TET2: variants seen among roughly 807,000 people sequenced by gnomAD.
The protein encoded by TET2 is tet methylcytosine dioxygenase 2.
Under a neutral mutation model 142.9 loss-of-function variants are expected in TET2, and 299 were observed. The observed-to-expected ratio is 2.09, with a 90% CI of 1.90 to 2.30. The LOEUF (loss-of-function observed/expected upper bound fraction) is 2.30, where lower values mean the gene tolerates loss of function less well. Ranked by LOEUF, TET2 falls within the 30% of genes most tolerant of loss-of-function variation. TET2 has a pLI of 0.00. For synonymous variants in TET2, 819 were observed against 849.0 expected, an observed-to-expected ratio of 0.96 and a Z score of 0.61; for missense variants, 2,418 against 2,378.0, an observed-to-expected ratio of 1.02 and a Z score of -0.35.
intron 1 of TET2, among the ~76,000 whole-genome samples, chr4:105,188,724 TTACAC>T (rs1049727931): frequency 2.6e-5 from 4 of 152,114 alleles, no homozygotes; most frequent in African/African-American, 9.7e-5. Flanking sequence ...CTTAAAAACA[TTACAC>T]TAAGTGAAAG....
chr4:105,197,945 A>G (rs1190771263), intron 2 of TET2, among the ~76,000 whole-genome samples: 1 of 152,192 alleles, frequency 6.6e-6, no homozygotes, highest in African/African-American at 2.4e-5. Flanking sequence ...AGACATTTGA[A>G]AAATTAGAAT....
intron 2 of TET2, among the ~76,000 whole-genome samples, chr4:105,225,096 G>A (rs989767737): frequency 3.3e-5 from 5 of 151,532 alleles, no homozygotes; most frequent in African/African-American, 1.2e-4. Context: ...TTAGCATTAT[G>A]TTTTGTTCAT....
chr4:105,254,823 G>A (rs1410096955), intron 6 of TET2, among the ~76,000 whole-genome samples: 1 of 152,170 alleles, frequency 6.6e-6, no homozygotes, highest in Non-Finnish European at 1.5e-5. Context: ...TTCATTGTGA[G>A]AACCTCATCT....
chr4:105,205,238 G>A (rs935892169), intron 2 of TET2, among the ~76,000 whole-genome samples: 1 of 152,126 alleles, frequency 6.6e-6, no homozygotes, highest in African/African-American at 2.4e-5. Context: ...ATTATTTGCA[G>A]TATTCTGTTT....
intron 3 of TET2, chr4:105,237,623 A>G (rs375703777): frequency 1.4e-6 from 2 of 1,446,322 alleles, no homozygotes; most frequent in South Asian, 1.5e-5. Context: ...ATTTGAATGT[A>G]TCTGTTTTAG....
intron 6 of TET2, among the ~76,000 whole-genome samples, chr4:105,253,609 C>A (rs1228211309): frequency 6.6e-6 from 1 of 151,008 alleles, no homozygotes; most frequent in Non-Finnish European, 1.5e-5. Flanking sequence ...GCAAAGACAA[C>A]TTCTTTCTAA....
At chr4:105,174,397 CAAAA>C (rs1724657156) in intron 1 of TET2, among the ~76,000 whole-genome samples, 2 of 151,992 alleles carry the variant, frequency 1.3e-5, no homozygotes, top group African/African-American at 2.4e-5. Context: ...CAAAACAAAA[CAAAA>C]AACTCTTTAA....
intron 8 of TET2, 148 bp from the exon 9 acceptor site, chr4:105,269,462 C>T: frequency 3.8e-6 from 3 of 790,768 alleles, no homozygotes; most frequent in East Asian, 5.4e-5. Context: ...GATATTTGCT[C>T]TATTTTGTGT....
At chr4:105,167,067 G>A (rs1052617615) in intron 1 of TET2, among the ~76,000 whole-genome samples, 8 of 151,502 alleles carry the variant, frequency 5.3e-5, no homozygotes, top group Admixed American at 1.3e-4. Context: ...CATGTTAATG[G>A]TGCATTAGAA....
intron 1 of TET2, among the ~76,000 whole-genome samples, chr4:105,169,852 AT>A (rs1238683783): frequency 6.6e-6 from 1 of 151,776 alleles, no homozygotes; most frequent in Non-Finnish European, 1.5e-5. Flanking sequence ...TTACCTACTA[AT>A]TTATGTTTTT....
chr4:105,162,019 T>C (rs1339625377), intron 1 of TET2, among the ~76,000 whole-genome samples: 1 of 152,240 alleles, frequency 6.6e-6, no homozygotes, highest in African/African-American at 2.4e-5. Flanking sequence ...AGTTTCTGTC[T>C]ATAAATATAA....
intron 6 of TET2, among the ~76,000 whole-genome samples, chr4:105,248,783 C>A (rs1326437634): frequency 6.6e-6 from 1 of 151,936 alleles, no homozygotes; most frequent in African/African-American, 2.4e-5. Context: ...AGAAGGAAAC[C>A]CTGTATTTAT....
chr4:105,191,333 T>A (rs2110483350), intron 2 of TET2, among the ~76,000 whole-genome samples: 1 of 152,340 alleles, frequency 6.6e-6, no homozygotes, highest in South Asian at 2.1e-4. Flanking sequence ...CAGACCATTT[T>A]CTCATATATG....
intron 6 of TET2, among the ~76,000 whole-genome samples, chr4:105,253,811 A>G (rs1023173893): frequency 6.6e-6 from 1 of 152,072 alleles, no homozygotes; most frequent in Non-Finnish European, 1.5e-5. Flanking sequence ...ATGGTTTTGT[A>G]TATATTCTTT....
At chr4:105,200,747 A>G (rs7698398) in intron 2 of TET2, among the ~76,000 whole-genome samples, 10,044 of 151,960 alleles carry the variant, frequency 0.066, 912 homozygotes, top group African/African-American at 0.2. Context: ...TGCAACCTCC[A>G]CATTCCGGGT....
Position 105,276,179 on chromosome 4 carries a change from A to G in TET2, c.5669A>G (p.Asn1890Ser), listed in dbSNP as rs774179621. 3.2e-6 allele frequency: 5 copies of G among 1,551,524 alleles called. No individual in the cohort carries two copies. The highest frequency in any genetic ancestry group is 2.4e-5 in the South Asian group (2 of 84,060). Residue 1890 changes from asparagine (N) to serine (S), a missense_variant, in exon 11 of 11, where the codon AAT becomes AGT. Asn to Ser is a conservative substitution (Grantham distance 46, BLOSUM62 1). Transcript: ENST00000380013. Reference sequence around the variant, plus strand: ...GCCACAACCCCTTTAAAGAATCCCAATAGGAATCACCCCACCAGGATCTCC... The same window carrying G: ...GCCACAACCCCTTTAAAGAATCCCAGTAGGAATCACCCCACCAGGATCTCC... ...LHATTPLKNPNRNHPTRISLV... is the reference protein window; with the variant it reads ...LHATTPLKNPSRNHPTRISLV...
Position 105,275,167 on chromosome 4 carries a change from C to T in TET2, c.4657C>T (p.Gln1553Ter), listed in dbSNP as rs1180567022. 6.4e-7 allele frequency: 1 copy of T among 1,552,204 alleles called. No homozygotes were observed. Among genetic ancestry groups the T allele is most frequent in the Non-Finnish European group, 8.7e-7 (1 of 1,147,072 alleles). ...RPQQQQPHHP[Q>*]TESVNSYSAS... is the part of the protein sequence containing the mutation. ...CCAGCAGCAGCAGCCACATCACCCT[C>T]AGACAGAGTCTGTCAACTCTTATTC... The change falls in exon 11 of 11, where the codon CAG (glutamine) becomes TAG (stop). Residue 1553 changes from glutamine to a stop codon, truncating the protein, a stop_gained. Coordinates refer to ENST00000380013, the MANE Select transcript of TET2 (RefSeq NM_001127208.3). LOFTEE classifies it low-confidence loss of function (END_TRUNC).
chr4:105,175,558 G>C (rs1454341328), intron 1 of TET2, among the ~76,000 whole-genome samples: 1 of 152,092 alleles, frequency 6.6e-6, no homozygotes, highest in East Asian at 1.9e-4. Flanking sequence ...GAAAAAAACA[G>C]AAGAGATTAT....
chr4:105,190,263 T>C, intron 1 of TET2, 97 bp from the exon 2 acceptor site: 1 of 510,052 alleles, frequency 2.0e-6, no homozygotes, highest in Non-Finnish European at 3.5e-6. Context: ...AAATATCCAA[T>C]TATAGGTATC....
Sources: gnomAD v4.1 joint callset for allele counts (sites outside exome capture counted in the v4.1 genomes callset) on GRCh38, gnomAD v4.1.1 for gene constraint, MANE v1.5 for transcripts, NCBI Gene and HGNC (gene_info 2026-07-23, HGNC 2026-07-21) for gene names.